The following LMX1A variants were observed in gnomAD, a reference collection of about 807,000 sequenced individuals.
LMX1A encodes LIM homeobox transcription factor 1-alpha.
Under a neutral mutation model 49.1 loss-of-function variants are expected in LMX1A, and 15 were observed. The ratio of observed to expected loss-of-function variants is 0.31; its 90% CI spans 0.20 to 0.47. LMX1A has a LOEUF of 0.47. Ranked by LOEUF, LMX1A falls within the 20% of genes least tolerant of loss-of-function variation. LMX1A has a pLI of 1.00. For missense variants in LMX1A, 372 were observed against 475.8 expected (o/e 0.78, Z 2.03); for synonymous variants, 167 against 185.7 (o/e 0.90, Z 0.82).
intron 3 of LMX1A, among the ~76,000 whole-genome samples, chr1:165,259,494 T>C (rs751820349): frequency 2.6e-4 from 40 of 152,182 alleles, no homozygotes; most frequent in Non-Finnish European, 5.4e-4. Context: ...ATCATTTTGG[T>C]TCTCATATGA....
intron 3 of LMX1A, among the ~76,000 whole-genome samples, chr1:165,339,677 A>C (rs1013919265): frequency 6.6e-6 from 1 of 152,324 alleles, no homozygotes; most frequent in Middle Eastern, 3.4e-3. Flanking sequence ...CACCTCTGCC[A>C]GCCCCTGTAC....
chr1:165,318,687 G>A (rs116793604), intron 3 of LMX1A, among the ~76,000 whole-genome samples: 404 of 151,964 alleles, frequency 2.7e-3, no homozygotes, highest in African/African-American at 9.3e-3. Flanking sequence ...GTGATTCTTT[G>A]GCCTTTTACC....
intron 3 of LMX1A, among the ~76,000 whole-genome samples, chr1:165,292,262 A>T (rs1654497983): frequency 6.6e-6 from 1 of 152,138 alleles, no homozygotes; most frequent in Non-Finnish European, 1.5e-5. Flanking sequence ...AAGTGGATCA[A>T]AATAAGTGTG....
chr1:165,308,607 A>T (rs1421174230), intron 3 of LMX1A, among the ~76,000 whole-genome samples: 2 of 152,218 alleles, frequency 1.3e-5, no homozygotes, highest in Non-Finnish European at 2.9e-5. Flanking sequence ...CCTCACAACG[A>T]TTCTATAAAA....
chr1:165,205,496 C>T (rs1270400690), intron 8 of LMX1A, among the ~76,000 whole-genome samples: 1 of 151,948 alleles, frequency 6.6e-6, no homozygotes, highest in African/African-American at 2.4e-5. Flanking sequence ...TATTTCTTTT[C>T]TTACTTTAGG....
chr1:165,209,523 C>T (rs973420537), intron 6 of LMX1A, among the ~76,000 whole-genome samples: 1 of 152,076 alleles, frequency 6.6e-6, no homozygotes, highest in Non-Finnish European at 1.5e-5. Flanking sequence ...ACCATCAATG[C>T]CCAGTGATTT....
intron 4 of LMX1A, among the ~76,000 whole-genome samples, chr1:165,239,574 C>T (rs1857359): frequency 1 from 152,131 of 152,376 alleles, 75,943 homozygotes; most frequent in Middle Eastern, 1. Flanking sequence ...CAAACAATTC[C>T]GGTAGTGAAT....
In LMX1A at chr1:165,355,524, T is replaced by G; in HGVS notation, c.36A>C (p.Gln12His). The G allele has an allele frequency of 1.2e-6, 2 of 1,613,810 alleles. No individual in the cohort carries two copies. Among genetic ancestry groups the G allele is most frequent in the Non-Finnish European group, 1.7e-6 (2 of 1,179,916 alleles). The part of the protein sequence containing the change: ...LDGLKMEENF[Q>H]SAIDTSASFS... Reference sequence around the variant, plus strand: ...AGGAGGCCGAGGTGTCGATCGCGCTTTGGAAGTTCTCCTCCATCTTTAGGC... The same window carrying G: ...AGGAGGCCGAGGTGTCGATCGCGCTGTGGAAGTTCTCCTCCATCTTTAGGC... Residue 12 changes from glutamine (Q) to histidine (H), a missense_variant, in exon 2 of 9, where the codon CAA becomes CAC. Transcript: ENST00000342310. This position sits in a 1 kb window ranked among gnomAD's most constrained non-coding sequence, Gnocchi z 4.7.
At chr1:165,266,642 C>T (rs1382687129) in intron 3 of LMX1A, among the ~76,000 whole-genome samples, 1 of 136,542 alleles carries the variant, frequency 7.3e-6, no homozygotes, top group Admixed American at 8.1e-5. Flanking sequence ...CGCTCTCTCG[C>T]CCAGGTTGGA....
At chr1:165,205,371 A>T (rs1035468458) in intron 8 of LMX1A, among the ~76,000 whole-genome samples, 3 of 152,098 alleles carry the variant, frequency 2.0e-5, no homozygotes, top group African/African-American at 7.2e-5. Flanking sequence ...TGGGGTGGGT[A>T]TAAGGGAGAT....
chr1:165,254,742 C>T (rs1248818191), intron 3 of LMX1A, among the ~76,000 whole-genome samples: 12 of 152,138 alleles, frequency 7.9e-5, no homozygotes, highest in Non-Finnish European at 2.9e-5. Flanking sequence ...ATGGTTACTT[C>T]CCCCACTGAA....
intron 3 of LMX1A, among the ~76,000 whole-genome samples, chr1:165,258,516 C>A (rs1008170252): frequency 1.3e-5 from 2 of 152,120 alleles, no homozygotes; most frequent in African/African-American, 2.4e-5. Flanking sequence ...AAATGGGAAA[C>A]AATAAGTGGC....
intron 3 of LMX1A, among the ~76,000 whole-genome samples, chr1:165,305,671 C>A (rs756862467): frequency 9.9e-5 from 15 of 152,188 alleles, no homozygotes; most frequent in Non-Finnish European, 2.2e-4. Context: ...CAAAGAAACA[C>A]AGAGATACAG....
chr1:165,326,873 G>A (rs1655600376), intron 3 of LMX1A, among the ~76,000 whole-genome samples: 1 of 152,136 alleles, frequency 6.6e-6, no homozygotes, highest in Non-Finnish European at 1.5e-5. Flanking sequence ...AATCACAATT[G>A]GCATCAAGTG....
intron 3 of LMX1A, among the ~76,000 whole-genome samples, chr1:165,289,008 C>T (rs1018010822): frequency 6.6e-6 from 1 of 152,182 alleles, no homozygotes; most frequent in African/African-American, 2.4e-5. Flanking sequence ...GCCAAGCAGG[C>T]AGAGCAAACA....
chr1:165,206,762 G>A (rs1210262455), intron 7 of LMX1A, among the ~76,000 whole-genome samples: 3 of 152,132 alleles, frequency 2.0e-5, no homozygotes, highest in Non-Finnish European at 2.9e-5. Context: ...AGCCTTAGGG[G>A]TGGAGCTGAG....
chr1:165,319,888 A>G (rs1350366333), intron 3 of LMX1A, among the ~76,000 whole-genome samples: 1 of 152,214 alleles, frequency 6.6e-6, no homozygotes, highest in Admixed American at 6.5e-5. Context: ...GCATTTACTT[A>G]GCTTGTAATT....
chr1:165,321,706 T>C (rs1456967291), intron 3 of LMX1A, among the ~76,000 whole-genome samples: 2 of 152,218 alleles, frequency 1.3e-5, no homozygotes, highest in African/African-American at 2.4e-5. Context: ...TGGCAATGGC[T>C]TCTTGGATAT....
intron 3 of LMX1A, among the ~76,000 whole-genome samples, chr1:165,288,451 A>T (rs1654359387): frequency 1.3e-5 from 2 of 152,188 alleles, no homozygotes; most frequent in African/African-American, 2.4e-5. Flanking sequence ...GTGAGCGAAC[A>T]GCAGGCAGCT....
Sources: gnomAD v4.1 joint callset for allele counts (sites outside exome capture counted in the v4.1 genomes callset) on GRCh38, gnomAD v4.1.1 for gene constraint, Gnocchi (gnomAD v3.1) non-coding constraint, MANE v1.5 for transcripts, NCBI Gene and HGNC (gene_info 2026-07-23, HGNC 2026-07-21) for gene names.